Variants in ABCA7 observed in about 807,000 individuals in gnomAD.
ABCA7 encodes phospholipid-transporting ATPase ABCA7.
A neutral mutation model predicts 227.6 loss-of-function variants in ABCA7; 261 were observed. That is an observed-to-expected ratio of 1.15 (90% confidence interval 1.04 to 1.27). The LOEUF (loss-of-function observed/expected upper bound fraction) is 1.27. ABCA7 is among the 50% of genes most tolerant of loss of function. The probability of loss-of-function intolerance (pLI) is 0.00; values close to 1 mark genes in which losing one functional copy is unlikely to be tolerated. For synonymous variants in ABCA7, 1,488 were observed against 1,279.7 expected (o/e 1.16, Z -3.47); for missense variants, 3,331 against 2,924.5 (o/e 1.14, Z -3.21).
In ABCA7 at chr19:1,044,733, CGA is replaced by C. The variant is rs1004259814; in HGVS notation, c.1206_1207del (p.Val403AspfsTer41). Reference protein sequence around the residue: ...DVGHLVGTLGRVTECLSLDKL... With the variant: ...DVGHLVGTLGXVTECLSLDKL... ...GGGGCACCTGGTGGGCACGCTGGGC[CGA>C]GTGACGGAGGTGAGGGCCTGTCCAC... On this transcript the variant is annotated frameshift_variant, in exon 11 of 47. Transcript: ENST00000263094. LOFTEE classifies it high-confidence loss of function. The C allele has an allele frequency of 1.9e-6, 3 of 1,607,344 alleles. No homozygotes were observed. In the African/African-American group the frequency reaches 4.0e-5, roughly 21 times the overall value.
Position 1,062,156 on chromosome 19 carries a change from G to A in ABCA7, c.5571-16G>A, listed in dbSNP as rs140647969. ...GACTAGCCAGCTCTCTGAGCCCCCGGCGCCCCCATCCCCAGCGTGGCCCGG... is the reference window on the plus strand; with the variant it reads ...GACTAGCCAGCTCTCTGAGCCCCCGACGCCCCCATCCCCAGCGTGGCCCGG... On this transcript the variant is annotated splice_polypyrimidine_tract_variant and intron_variant, in intron 41 of 46. Coordinates refer to ENST00000263094, the MANE Select transcript of ABCA7 (RefSeq NM_019112.4). 4,564 of 1,610,390 alleles carry A rather than the reference G, an allele frequency of 2.8e-3. 27 individuals carry two copies. Among genetic ancestry groups the A allele is most frequent in the Non-Finnish European group, 3.5e-3 (4,144 of 1,178,686 alleles).
intron 16 of ABCA7, among the ~76,000 whole-genome samples, chr19:1,047,992 C>A (rs903978738): frequency 3.3e-5 from 5 of 151,760 alleles, no homozygotes; most frequent in South Asian, 2.1e-4. Flanking sequence ...AGTTTGAGAC[C>A]AGGCTGGGCA....
rs370760111 is a variant in ABCA7, at chr19:1,058,674, G to A, written c.5206G>A (p.Ala1736Thr). Residue 1736 changes from alanine to threonine, a missense_variant, in exon 38 of 47, where the codon GCC becomes ACC. Coordinates refer to ENST00000263094, the MANE Select transcript of ABCA7 (RefSeq NM_019112.4). The part of the protein sequence containing the change: ...RWEVVGKNLL[A>T]MVIQGPLFLL... The stretch of plus-strand genomic sequence containing the variant: ...GGAGGTGGTCGGCAAGAACCTCTTG[G>A]CCATGGTGATACAGGGGCCCCTCTT... The A allele has an allele frequency of 6.2e-7, 1 of 1,613,810 alleles. No homozygotes were observed. Among genetic ancestry groups the A allele is most frequent in the African/African-American group, 1.3e-5 (1 of 74,888 alleles).
At chr19:1,053,610 C>G (rs1454304515) in intron 24 of ABCA7, 79 bp downstream of exon 24, 2 of 1,522,012 alleles carry the variant, frequency 1.3e-6, no homozygotes, top group Non-Finnish European at 1.8e-6. Flanking sequence ...GGATGAATAG[C>G]GTGTTTATGA....
rs958612666 is a variant in ABCA7, at chr19:1,054,957, G to C, written c.3950+79G>C. On this transcript the variant is annotated intron_variant, in intron 29 of 46. Coordinates refer to ENST00000263094, the MANE Select transcript of ABCA7 (RefSeq NM_019112.4). The surrounding 1 kb of genome is among the most constrained non-coding windows in gnomAD (Gnocchi z 4.8). ...TCTGGTCCCTGGCCAGGGAGCCTCA[G>C]GGGGCACCTGGAGCATCCCCTGTGC... 1.3e-6 allele frequency: 2 copies of C among 1,550,554 alleles called. No individual in the cohort carries two copies. The highest frequency in any genetic ancestry group is 1.7e-6 in the Non-Finnish European group (2 of 1,143,720).
Position 1,053,433 on chromosome 19 carries a change from C to G in ABCA7, c.3325C>G (p.His1109Asp). The G allele has an allele frequency of 2.5e-6, 4 of 1,605,470 alleles. No homozygotes were observed. Among genetic ancestry groups the G allele is most frequent in the Non-Finnish European group, 3.4e-6 (4 of 1,177,590 alleles). The change falls in exon 24 of 47, where the codon CAT becomes GAT. Residue 1109 changes from histidine to aspartate, a missense_variant. His to Asp is a moderately conservative substitution (Grantham distance 81, BLOSUM62 -1). Coordinates refer to ENST00000263094, the MANE Select transcript of ABCA7 (RefSeq NM_019112.4). ...GCTGGTGCTGCCCTACACGGGTGCC[C>G]ATGACGGCAGCTTCGCCACACTCTT... ...LVLVLPYTGA[H>D]DGSFATLFRE...
chr19:1,064,743 T>C (rs1355765657), intron 45 of ABCA7, 188 bp from the exon 46 acceptor site: 2 of 915,328 alleles, frequency 2.2e-6, no homozygotes, highest in Admixed American at 7.7e-5. Flanking sequence ...TAGCTGGACA[T>C]GGTGGTGTGT....
In ABCA7 at chr19:1,044,726, G is replaced by T. The variant is rs2044807691; in HGVS notation, c.1197G>T (p.Thr399=). ...AHADVGHLVG[T]LGRVTECLSL... ...CTGATGTGGGGCACCTGGTGGGCACGCTGGGCCGAGTGACGGAGGTGAGGG... is the reference window on the plus strand; with the variant it reads ...CTGATGTGGGGCACCTGGTGGGCACTCTGGGCCGAGTGACGGAGGTGAGGG... Residue 399 remains threonine, a synonymous_variant, in exon 11 of 47, where the codon ACG becomes ACT. Transcript: ENST00000263094. 3.1e-6 allele frequency: 5 copies of T among 1,609,146 alleles called. No individual in the cohort carries two copies. The highest frequency in any genetic ancestry group is 3.4e-6 in the Non-Finnish European group (4 of 1,178,864).
chr19:1,056,464 G>C lies in ABCA7; in HGVS notation c.4551G>C (p.Leu1517Phe). ...GCATCACCACACTCAACCACCCCTTGAACCTCACCAAGGAGCAGCTGTCTG... is the reference window on the plus strand; with the variant it reads ...GCATCACCACACTCAACCACCCCTTCAACCTCACCAAGGAGCAGCTGTCTG... ...AHSITTLNHP[L>F]NLTKEQLSEG... The change falls in exon 33 of 47, where the codon TTG (leucine) becomes TTC (phenylalanine). Residue 1517 changes from leucine (L) to phenylalanine (F), a missense_variant. Physicochemically the swap from Leu to Phe is conservative, Grantham distance 22. Transcript: ENST00000263094. The surrounding 1 kb of genome is among the most constrained non-coding windows in gnomAD (Gnocchi z 4.3). 1 of 1,613,458 alleles carries C rather than the reference G, an allele frequency of 6.2e-7. No individual in the cohort carries two copies. Among genetic ancestry groups the C allele is most frequent in the African/African-American group, 1.3e-5 (1 of 74,984 alleles).
rs760980002 is a variant in ABCA7 at position 1,051,903 on chromosome 19, C to T, written c.2963-39C>T. The T allele has an allele frequency of 3.0e-5, 48 of 1,597,090 alleles. No homozygotes were observed. In the Admixed American group the frequency reaches 3.5e-4, roughly 12 times the overall value. On this transcript the variant is annotated intron_variant, in intron 21 of 46. Transcript: ENST00000263094. ...GGCCCCAGCTCGGGCAAAGACGCGG[C>T]GGCCTGATGGTAGTTGTGGGTTGGT... is the stretch of plus-strand genomic sequence containing the variant.
chr19:1,041,465 G>T (rs750000477), intron 2 of ABCA7, 38 bp downstream of exon 2: 2 of 1,613,628 alleles, frequency 1.2e-6, no homozygotes, highest in South Asian at 1.1e-5. Context: ...GGGTGGGCAG[G>T]CAGCCCCCAC....
At chr19:1,044,978 A>T in intron 11 of ABCA7, 24 bp from the exon 12 acceptor site, 1 of 1,610,186 alleles carries the variant, frequency 6.2e-7, no homozygotes. Flanking sequence ...CCCAGCGCCT[A>T]GGACTCACCC....
At chr19:1,064,752 G>T in intron 45 of ABCA7, 179 bp from the exon 46 acceptor site, 1 of 1,021,914 alleles carries the variant, frequency 9.8e-7, no homozygotes, top group Non-Finnish European at 1.4e-6. Flanking sequence ...ATGGTGGTGT[G>T]TGCCTGTGGT....
At position 1,062,369 on chromosome 19, in the gene ABCA7, C is replaced by T. The variant is rs925399150; in HGVS notation, c.5712+56C>T. The T allele has an allele frequency of 1.0e-5, 16 of 1,582,652 alleles. No individual in the cohort carries two copies. In the African/African-American group the frequency reaches 1.7e-4, roughly 17 times the overall value. Reference sequence around the variant, plus strand: ...CTCCCAGGGCCCACCCGACCCAGGCCGTGCCTCTAAAGCCTGGCCCAATCC... The same window carrying T: ...CTCCCAGGGCCCACCCGACCCAGGCTGTGCCTCTAAAGCCTGGCCCAATCC... On this transcript the variant is annotated intron_variant, in intron 42 of 46. Transcript: ENST00000263094.
chr19:1,041,596 C>A lies in ABCA7; in HGVS notation c.153C>A (p.His51Gln). Residue 51 changes from histidine (H) to glutamine (Q), a missense_variant, in exon 3 of 47, where the codon CAC (histidine) becomes CAA (glutamine). Coordinates refer to ENST00000263094, the MANE Select transcript of ABCA7 (RefSeq NM_019112.4). ...GCCACTCCCACCCGCCCCTGGAGCA[C>A]CATGAATGTGAGCCCCCCCAGGGAC... ...AVRHSHPPLEHHECHFPNKPL... is the reference protein window; with the variant it reads ...AVRHSHPPLEQHECHFPNKPL... 3 of 1,612,178 alleles carry A rather than the reference C, an allele frequency of 1.9e-6. No individual in the cohort carries two copies. Among genetic ancestry groups the A allele is most frequent in the Non-Finnish European group, 1.7e-6 (2 of 1,179,970 alleles).
chr19:1,063,991 G>A (rs1379884979), intron 44 of ABCA7, 128 bp downstream of exon 44: 1 of 1,359,596 alleles, frequency 7.4e-7, no homozygotes, highest in Non-Finnish European at 9.8e-7. Context: ...CAGGCCCCGG[G>A]GTGTAAGGAC....
At position 1,045,171 on chromosome 19, in the gene ABCA7, T is replaced by C. The variant is rs771618930; in HGVS notation, c.1385T>C (p.Val462Ala). 2.5e-6 allele frequency: 4 copies of C among 1,610,568 alleles called. No individual in the cohort carries two copies. Among genetic ancestry groups the C allele is most frequent in the Admixed American group, 1.7e-5 (1 of 59,924 alleles). The change falls in exon 12 of 47, where the codon GTG (valine) becomes GCG (alanine). Residue 462 changes from valine to alanine, a missense_variant. Physicochemically the swap from Val to Ala is moderately conservative, Grantham distance 64. Coordinates refer to ENST00000263094, the MANE Select transcript of ABCA7 (RefSeq NM_019112.4). ...HPTPDLGPGH[V>A]RIKIRMDIDV... Reference sequence around the variant, plus strand: ...ACCCCAGACCTGGGCCCCGGCCACGTGCGCATCAAAATCCGCATGGACATT... The same window carrying C: ...ACCCCAGACCTGGGCCCCGGCCACGCGCGCATCAAAATCCGCATGGACATT...
chr19:1,042,555 G>C, intron 6 of ABCA7, 158 bp downstream of exon 6: 1 of 1,058,914 alleles, frequency 9.4e-7, no homozygotes, highest in Non-Finnish European at 1.4e-6. Flanking sequence ...CCCCCAGACA[G>C]AGTGTGTCTG....
At position 1,048,975 on chromosome 19, in the gene ABCA7, G is replaced by A; in HGVS notation, c.2350G>A (p.Ala784Thr). The A allele has an allele frequency of 6.2e-7, 1 of 1,603,612 alleles. No homozygotes were observed. The highest frequency in any genetic ancestry group is 8.5e-7 in the Non-Finnish European group (1 of 1,175,710). ...CGGACCTCGGCCCCCCAAGAGTCCA[G>A]CCCCTTGCCCCACCCCGCTGGACCC... The part of the protein sequence containing the change: ...WCGPRPPKSP[A>T]PCPTPLDPKV... The change falls in exon 17 of 47, where the codon GCC becomes ACC. Residue 784 changes from alanine (A) to threonine (T), a missense_variant. Coordinates refer to ENST00000263094, the MANE Select transcript of ABCA7 (RefSeq NM_019112.4).
Sources: gnomAD v4.1 joint callset for allele counts (sites outside exome capture counted in the v4.1 genomes callset) on GRCh38, gnomAD v4.1.1 for gene constraint, Gnocchi (gnomAD v3.1) non-coding constraint, MANE v1.5 for transcripts, NCBI Gene and HGNC (gene_info 2026-07-23, HGNC 2026-07-21) for gene names.